Variants in SPEF2 observed in about 807,000 individuals in gnomAD.
SPEF2 encodes the protein sperm flagella and cilia-associated protein 2.
A neutral mutation model predicts 224.6 loss-of-function variants in SPEF2; 187 were observed. The observed-to-expected ratio is 0.83, with a 90% CI of 0.74 to 0.94. The LOEUF is 0.94. Among genes scored for constraint, SPEF2 ranks in the 40% least tolerant of loss-of-function variants. The pLI is 0.00. For missense variants in SPEF2, 2,170 were observed against 2,135.6 expected, an observed-to-expected ratio of 1.02 and a Z score of -0.32; for synonymous variants, 715 against 707.3, an observed-to-expected ratio of 1.01 and a Z score of -0.17.
rs780348756 is a variant in SPEF2 at position 35,692,467 on chromosome 5, C to T, written c.1745-103C>T. The T allele has an allele frequency of 1.9e-5, 15 of 799,206 alleles. 1 individual carries two copies. The highest frequency in any genetic ancestry group is 6.2e-5 in the South Asian group (3 of 48,488). The allele number at this position is 799,206 out of a possible 1,614,324, so 49.5% of individuals were successfully genotyped here. ...AACTTGATCCAAAAGACTGTTCTAGCGGGCCTGAAAGACAGTGTTATAGGA... is the reference window on the plus strand; with the variant it reads ...AACTTGATCCAAAAGACTGTTCTAGTGGGCCTGAAAGACAGTGTTATAGGA... On this transcript the variant is annotated intron_variant, in intron 11 of 36. Transcript: ENST00000356031.
At chr5:35,808,851 T>A (rs1475855852) in intron 36 of SPEF2, among the ~76,000 whole-genome samples, 3 of 148,230 alleles carry the variant, frequency 2.0e-5, no homozygotes, top group African/African-American at 7.4e-5. Context: ...ATATATTTTT[T>A]AAATATATAT....
At chr5:35,751,094 C>CGT (rs1749550988) in intron 23 of SPEF2, among the ~76,000 whole-genome samples, 3 of 20,870 alleles carry the variant, frequency 1.4e-4, no homozygotes, top group African/African-American at 2.7e-4. Context: ...CACACACACA[C>CGT]ACATATATAT....
intron 19 of SPEF2, 34 bp from the exon 20 acceptor site, chr5:35,712,778 C>T: frequency 6.2e-7 from 1 of 1,602,552 alleles, no homozygotes; most frequent in South Asian, 1.1e-5. Flanking sequence ...TGAAGTAAAT[C>T]ATCAATGATT....
intron 19 of SPEF2, chr5:35,710,863 T>G (rs1190399915): frequency 8.1e-6 from 8 of 985,256 alleles, no homozygotes; most frequent in Non-Finnish European, 9.6e-6. Flanking sequence ...GTGGTTGTAC[T>G]TGTCTTTTTT....
At chr5:35,670,337 T>C (rs534668714) in intron 10 of SPEF2, 110 bp downstream of exon 10, 1 of 1,444,106 alleles carries the variant, frequency 6.9e-7, no homozygotes, top group Admixed American at 2.8e-5. Context: ...TAGACATGTT[T>C]TGTTTGCATT....
chr5:35,714,469 C>T (rs1429171352), intron 20 of SPEF2, among the ~76,000 whole-genome samples: 1 of 151,794 alleles, frequency 6.6e-6, no homozygotes, highest in Admixed American at 6.6e-5. Context: ...TATTTTTTAA[C>T]AGTCAGGTAC....
In SPEF2 at chr5:35,646,213, G is replaced by C. The variant is rs1747347798; in HGVS notation, c.586-454G>C. On this transcript the variant is annotated intron_variant, in intron 4 of 36. Transcript: ENST00000356031. ...ATTGTTTAAGTGTGACTGGGTTTTG[G>C]GGAAGTTTGTGATTTTTATTGGGTT... is the stretch of plus-strand genomic sequence containing the variant. Among the ~76,000 whole-genome samples, 4 of 152,016 alleles carry C rather than the reference G, an allele frequency of 2.6e-5. No individual in the cohort carries two copies. In the South Asian group the frequency reaches 8.3e-4, roughly 32 times the overall value.
At chr5:35,708,695 C>CCATCACCACCAT (rs1740468578) in intron 18 of SPEF2, among the ~76,000 whole-genome samples, 1 of 958 alleles carries the variant, frequency 1.0e-3, no homozygotes, top group Non-Finnish European at 2.4e-3. Flanking sequence ...ACCTCCATCA[C>CCATCACCACCAT]CATCACCACC....
At chr5:35,803,239 A>G (rs1757668295) in intron 34 of SPEF2, among the ~76,000 whole-genome samples, 2 of 152,190 alleles carry the variant, frequency 1.3e-5, no homozygotes, top group African/African-American at 4.8e-5. Context: ...TGAGCAGGAA[A>G]GGCCAGGAAA....
At chr5:35,686,836 C>T (rs1239698547) in intron 10 of SPEF2, among the ~76,000 whole-genome samples, 1 of 151,986 alleles carries the variant, frequency 6.6e-6, no homozygotes. Context: ...ATTTTATGCA[C>T]TAAAATCCTT....
At chr5:35,658,200 C>T (rs987703569) in intron 7 of SPEF2, among the ~76,000 whole-genome samples, 5 of 152,154 alleles carry the variant, frequency 3.3e-5, no homozygotes, top group Admixed American at 2.0e-4. Context: ...TGCCCAAGGC[C>T]ACCCAGCCTA....
At chr5:35,803,620 C>T (rs1757724034) in intron 34 of SPEF2, among the ~76,000 whole-genome samples, 1 of 152,200 alleles carries the variant, frequency 6.6e-6, no homozygotes, top group Non-Finnish European at 1.5e-5. Flanking sequence ...CATTCTCACT[C>T]ACTCCTCATC....
intron 8 of SPEF2, among the ~76,000 whole-genome samples, chr5:35,660,374 G>A (rs945587959): frequency 6.6e-6 from 1 of 152,136 alleles, no homozygotes; most frequent in African/African-American, 2.4e-5. Context: ...AAACAGGAGG[G>A]CAGTGTTTTA....
intron 6 of SPEF2, among the ~76,000 whole-genome samples, chr5:35,653,260 C>T (rs1748451204): frequency 1.3e-5 from 2 of 152,184 alleles, no homozygotes; most frequent in Admixed American, 6.5e-5. Flanking sequence ...TGAGTTGAGT[C>T]TTCTCACTTG....
chr5:35,697,530 T>G (rs1200410531), intron 14 of SPEF2, among the ~76,000 whole-genome samples, 160 bp from the exon 15 acceptor site: 1 of 152,220 alleles, frequency 6.6e-6, no homozygotes, highest in African/African-American at 2.4e-5. Context: ...TCAAATTCTG[T>G]GCACACATTT....
At chr5:35,709,573 T>A in intron 19 of SPEF2, 1 of 986,452 alleles carries the variant, frequency 1.0e-6, no homozygotes, top group Non-Finnish European at 1.2e-6. Context: ...AATTTATATG[T>A]AATTGTAAAT....
chr5:35,640,144 A>G (rs941350138), intron 2 of SPEF2, among the ~76,000 whole-genome samples: 9 of 152,160 alleles, frequency 5.9e-5, no homozygotes, highest in African/African-American at 2.2e-4. Context: ...GAGAAAGAGA[A>G]AACTCTTCTC....
At chr5:35,644,603 C>T in intron 4 of SPEF2, 78 bp downstream of exon 4, 1 of 1,141,372 alleles carries the variant, frequency 8.8e-7, no homozygotes. Context: ...GTACACATTG[C>T]ATAAGTAGTA....
intron 5 of SPEF2, among the ~76,000 whole-genome samples, chr5:35,648,820 C>G (rs1480709251): frequency 6.6e-6 from 1 of 151,754 alleles, no homozygotes; most frequent in Non-Finnish European, 1.5e-5. Context: ...TTGAGGCCAC[C>G]CTTGTCAACC....
Sources: allele counts gnomAD v4.1 joint callset (sites outside exome capture counted in the v4.1 genomes callset), GRCh38; gene constraint gnomAD v4.1.1; transcripts MANE v1.5; gene names NCBI Gene and HGNC (gene_info 2026-07-23, HGNC 2026-07-21).